The following GLRB variants were observed in gnomAD, a reference collection of about 807,000 sequenced individuals.
GLRB encodes glycine receptor subunit beta.
In GLRB, 33 loss-of-function variants were observed where a neutral mutation model predicts 54.2. That is an observed-to-expected ratio of 0.61 (90% CI 0.46 to 0.81). The LOEUF (loss-of-function observed/expected upper bound fraction) is 0.81. GLRB is among the 40% of genes least tolerant of loss of function. GLRB has a pLI of 0.00. For synonymous variants in GLRB, 209 were observed against 208.2 expected (o/e 1.00, Z -0.03); for missense variants, 572 against 584.6 (o/e 0.98, Z 0.22).
intron 9 of GLRB, among the ~76,000 whole-genome samples, chr4:157,156,543 C>T (rs1579248176): frequency 6.6e-6 from 1 of 152,124 alleles, no homozygotes; most frequent in South Asian, 2.1e-4. Context: ...CTTTCTCTTA[C>T]CTGGTTGCCC....
chr4:157,128,770 GT>G (rs962712481), intron 4 of GLRB, among the ~76,000 whole-genome samples: 1 of 151,732 alleles, frequency 6.6e-6, no homozygotes, highest in Non-Finnish European at 1.5e-5. Context: ...TAACCTAAGA[GT>G]TTTTACAGGC....
chr4:157,170,801 T>A lies in GLRB; in HGVS notation c.*73T>A. On this transcript the variant is annotated 3_prime_UTR_variant, in exon 10 of 10. Coordinates refer to ENST00000264428, the MANE Select transcript of GLRB (RefSeq NM_000824.5). The stretch of plus-strand genomic sequence containing the variant: ...TACTCCTTTCATAAATGCCAATCTG[T>A]GAGAACTTTTGAATTTTCATAGCAA... The A allele has an allele frequency of 2.4e-6, 2 of 837,408 alleles. No individual in the cohort carries two copies. The highest frequency in any genetic ancestry group is 3.6e-6 in the Non-Finnish European group (2 of 552,274). The allele number at this position is 837,408 out of a possible 1,614,324, so 51.9% of individuals were successfully genotyped here.
rs58330518 is a variant in GLRB at position 157,082,964 on chromosome 4, T to TTATATATATA, written c.122+4835_122+4844dup. Among the ~76,000 whole-genome samples the TTATATATATA allele has an allele frequency of 5.3e-3, 740 of 139,608 alleles. 4 individuals are homozygous for TTATATATATA. Among genetic ancestry groups the TTATATATATA allele is most frequent in the East Asian group, 0.016 (77 of 4,846 alleles). 91.6% of individuals were successfully genotyped at this position (139,608 alleles called of 152,430 possible). A position where few individuals can be genotyped will look rare whatever the true frequency, so the allele number is the denominator to read the frequency against. On this transcript the variant is annotated intron_variant, in intron 2 of 9. Transcript: ENST00000264428. Reference sequence around the variant, plus strand: ...AATTATCAGACAAATGAATAGTGTTTTATATATATATATATATATATATAT... The same window carrying TTATATATATA: ...AATTATCAGACAAATGAATAGTGTTTTATATATATATATATATATATATATATATATATAT...
intron 9 of GLRB, among the ~76,000 whole-genome samples, chr4:157,161,774 C>G (rs1043283509): frequency 6.6e-6 from 1 of 152,154 alleles, no homozygotes; most frequent in Admixed American, 6.5e-5. Flanking sequence ...TTTTTTCCTT[C>G]ATTTCAACTT....
intron 2 of GLRB, among the ~76,000 whole-genome samples, chr4:157,105,783 A>G (rs1037614958): frequency 5.9e-5 from 9 of 152,068 alleles, no homozygotes; most frequent in African/African-American, 1.2e-4. Context: ...TTTGTCTTCT[A>G]TGATAATAAT....
At chr4:157,151,109 T>G (rs1737006924) in intron 8 of GLRB, among the ~76,000 whole-genome samples, 1 of 152,112 alleles carries the variant, frequency 6.6e-6, no homozygotes, top group South Asian at 2.1e-4. Flanking sequence ...TATTCAGGTA[T>G]ACAGCTAAGC....
At chr4:157,133,628 T>G (rs773732119) in intron 4 of GLRB, among the ~76,000 whole-genome samples, 16 of 151,954 alleles carry the variant, frequency 1.1e-4, no homozygotes, top group Non-Finnish European at 1.6e-4. Flanking sequence ...AAATAATTTT[T>G]GAATGAATGA....
chr4:157,114,469 G>T (rs1187022903), intron 2 of GLRB, among the ~76,000 whole-genome samples: 1 of 151,020 alleles, frequency 6.6e-6, no homozygotes, highest in Non-Finnish European at 1.5e-5. Flanking sequence ...TTTTTCTTTA[G>T]TATGGTGCTT....
At chr4:157,093,633 T>C (rs1406070873) in intron 2 of GLRB, among the ~76,000 whole-genome samples, 1 of 151,972 alleles carries the variant, frequency 6.6e-6, no homozygotes, top group East Asian at 1.9e-4. Context: ...CACATGCCTT[T>C]AGTCCCAGCT....
intron 2 of GLRB, among the ~76,000 whole-genome samples, chr4:157,107,367 C>T (rs1331051292): frequency 6.6e-6 from 1 of 152,058 alleles, no homozygotes; most frequent in Admixed American, 6.6e-5. Flanking sequence ...AAAGCTAGGT[C>T]TCTTTGTCAA....
chr4:157,087,903 T>C (rs1734470029), intron 2 of GLRB, among the ~76,000 whole-genome samples: 1 of 152,160 alleles, frequency 6.6e-6, no homozygotes, highest in African/African-American at 2.4e-5. Context: ...ATCATTGCTC[T>C]GCTAAAGAGA....
At chr4:157,096,883 T>C (rs1179268480) in intron 2 of GLRB, among the ~76,000 whole-genome samples, 3 of 152,192 alleles carry the variant, frequency 2.0e-5, no homozygotes, top group Non-Finnish European at 1.5e-5. Flanking sequence ...GCAAAAACTT[T>C]GTTATCCCAA....
intron 4 of GLRB, among the ~76,000 whole-genome samples, chr4:157,134,412 C>T (rs901237240): frequency 2.0e-5 from 3 of 151,714 alleles, no homozygotes; most frequent in Non-Finnish European, 4.4e-5. Flanking sequence ...TTTTTAATTA[C>T]CCAGGAGATT....
chr4:157,107,701 C>A (rs1735276341), intron 2 of GLRB, among the ~76,000 whole-genome samples: 1 of 152,018 alleles, frequency 6.6e-6, no homozygotes, highest in African/African-American at 2.4e-5. Flanking sequence ...GGTGGCACAG[C>A]AAGTATTGAT....
intron 8 of GLRB, among the ~76,000 whole-genome samples, chr4:157,148,792 C>T (rs532028203): frequency 2.0e-5 from 3 of 151,926 alleles, no homozygotes; most frequent in South Asian, 2.1e-4. Flanking sequence ...ACCATGTGCA[C>T]GTGCAGTGTG....
In GLRB at chr4:157,136,822, A is replaced by C. The variant is rs551200623; in HGVS notation, c.546A>C (p.Ser182=). The C allele has an allele frequency of 1.1e-5, 18 of 1,609,630 alleles. No homozygotes were observed. The highest frequency in any genetic ancestry group is 9.3e-5 in the African/African-American group (7 of 74,944). ...CTTCCAGGTTATCTATTACTCTTTCATGCCCTTTGGACTTGACATTGTTTC... is the reference window on the plus strand; with the variant it reads ...CTTCCAGGTTATCTATTACTCTTTCCTGCCCTTTGGACTTGACATTGTTTC... The part of the protein sequence containing the change: ...LVSMRLSITL[S]CPLDLTLFPM... The change falls in exon 6 of 10, where the codon TCA becomes TCC. Residue 182 remains serine, a synonymous_variant. Coordinates refer to ENST00000264428, the MANE Select transcript of GLRB (RefSeq NM_000824.5).
chr4:157,083,470 G>A (rs1447930234), intron 2 of GLRB, among the ~76,000 whole-genome samples: 2 of 152,092 alleles, frequency 1.3e-5, no homozygotes, highest in Admixed American at 1.3e-4. Flanking sequence ...GTGGAGGTAC[G>A]CAGGCACGTG....
At chr4:157,154,806 G>C (rs1432404238) in intron 9 of GLRB, among the ~76,000 whole-genome samples, 1 of 152,050 alleles carries the variant, frequency 6.6e-6, no homozygotes, top group Non-Finnish European at 1.5e-5. Context: ...GTTTTTAAGT[G>C]TATCTCTTTG....
intron 9 of GLRB, among the ~76,000 whole-genome samples, chr4:157,163,222 G>A (rs942042452): frequency 6.6e-6 from 1 of 152,134 alleles, no homozygotes; most frequent in Non-Finnish European, 1.5e-5. Flanking sequence ...CGATTTTCCA[G>A]GTACCATCTG....
Sources: allele counts gnomAD v4.1 joint callset (sites outside exome capture counted in the v4.1 genomes callset), GRCh38; gene constraint gnomAD v4.1.1; transcripts MANE v1.5; gene names NCBI Gene and HGNC (gene_info 2026-07-23, HGNC 2026-07-21).